MAP2K5: variants seen among roughly 807,000 people sequenced by gnomAD.
MAP2K5 encodes dual specificity mitogen-activated protein kinase kinase 5.
Under a neutral mutation model 83.1 loss-of-function variants are expected in MAP2K5, and 49 were observed. The observed-to-expected ratio is 0.59, with a 90% CI of 0.47 to 0.75. The LOEUF (loss-of-function observed/expected upper bound fraction) is 0.75. Among genes scored for constraint, MAP2K5 ranks in the 30% least tolerant of loss-of-function variants. The pLI is 0.00. For missense variants in MAP2K5, 457 were observed against 557.5 expected, an observed-to-expected ratio of 0.82 and a Z score of 1.82; for synonymous variants, 202 against 191.8, an observed-to-expected ratio of 1.05 and a Z score of -0.44.
chr15:67,772,739 C>T lies in MAP2K5; in HGVS notation c.1229C>T (p.Pro410Leu). The stretch of plus-strand genomic sequence containing the variant: ...AAACAGCCAAAAGAAAGGCCAGCAC[C>T]TGAAGAATTGATGGTAAGTGAATGT... ...MRKQPKERPA[P>L]EELMGHPFIV... is the part of the protein sequence containing the mutation. The change falls in exon 21 of 22, where the codon CCT (proline) becomes CTT (leucine). Residue 410 changes from proline to leucine, a missense_variant. Pro to Leu is a moderately conservative substitution (Grantham distance 98, BLOSUM62 -3). This residue lies in a region of MAP2K5 where 168 missense variants were observed against 263.0 expected (regional missense o/e 0.64). Coordinates refer to ENST00000178640, the MANE Select transcript of MAP2K5 (RefSeq NM_145160.3). 6.2e-7 allele frequency: 1 copy of T among 1,602,490 alleles called. No individual in the cohort carries two copies. The highest frequency in any genetic ancestry group is 8.5e-7 in the Non-Finnish European group (1 of 1,174,336).
At position 67,801,118 on chromosome 15, in the gene MAP2K5, ACTC is replaced by A. The variant is rs2090698867; in HGVS notation, c.1243-5526_1243-5524del. Among the ~76,000 whole-genome samples the A allele has an allele frequency of 6.6e-6, 1 of 152,054 alleles. No individual in the cohort carries two copies. The highest frequency in any genetic ancestry group is 2.4e-5 in the African/African-American group (1 of 41,400). ...CTGTGAGATCCCATCTAGTCCTAAC[ACTC>A]CATTAGTGTGAGAAGGGACAGAAGT... On this transcript the variant is annotated intron_variant, in intron 21 of 21. Transcript: ENST00000178640. The surrounding 1 kb of genome is among the most constrained non-coding windows in gnomAD (Gnocchi z 4.8).
In MAP2K5 at chr15:67,561,819, C is replaced by T. The variant is rs1421827577; in HGVS notation, c.185-1464C>T. Among the ~76,000 whole-genome samples, 2 of 152,126 alleles carry T rather than the reference C, an allele frequency of 1.3e-5. No homozygotes were observed. The highest frequency in any genetic ancestry group is 2.9e-5 in the Non-Finnish European group (2 of 68,010). On this transcript the variant is annotated intron_variant, in intron 2 of 21. Transcript: ENST00000178640. This position sits in a 1 kb window ranked among gnomAD's most constrained non-coding sequence, Gnocchi z 4.2. ...GAACACAAGCTTCCTCCTAGGGTCC[C>T]CATAGCCTAGTCACCAAGCAGGGGG...
intron 2 of MAP2K5, among the ~76,000 whole-genome samples, chr15:67,550,449 C>A (rs1434650320): frequency 2.0e-5 from 3 of 152,168 alleles, no homozygotes; most frequent in Non-Finnish European, 4.4e-5. Flanking sequence ...AACATAGCAA[C>A]AAAGTAGAGC....
intron 19 of MAP2K5, among the ~76,000 whole-genome samples, chr15:67,763,545 A>G (rs1022915693): frequency 1.3e-5 from 2 of 152,178 alleles, no homozygotes; most frequent in Non-Finnish European, 2.9e-5. Context: ...AGAATCTCAC[A>G]TTAGTTTGCA....
At chr15:67,629,841 G>A (rs2086424509) in intron 8 of MAP2K5, among the ~76,000 whole-genome samples, 2 of 152,158 alleles carry the variant, frequency 1.3e-5, no homozygotes, top group Admixed American at 1.3e-4. Flanking sequence ...TTTATGTTAT[G>A]TGGTTTATTT....
intron 11 of MAP2K5, among the ~76,000 whole-genome samples, chr15:67,656,616 A>G (rs565766939): frequency 2.0e-5 from 3 of 152,290 alleles, no homozygotes; most frequent in African/African-American, 7.2e-5. Context: ...GGTGTGAGCC[A>G]TCGTGCCTGG....
In MAP2K5 at chr15:67,738,215, G is replaced by A. The variant is rs1018710853; in HGVS notation, c.1075-10016G>A. ...GGTTCAGAGGAGGAGAGACCAAAGG[G>A]GTAATGAAGCTTGTCTTGTTTTGTT... On this transcript the variant is annotated intron_variant, in intron 17 of 21. Transcript: ENST00000178640. This position sits in a 1 kb window ranked among gnomAD's most constrained non-coding sequence, Gnocchi z 4.1. 6.6e-6 allele frequency among the ~76,000 whole-genome samples: 1 copy of A among 152,162 alleles called. No individual in the cohort carries two copies. Among genetic ancestry groups the A allele is most frequent in the Non-Finnish European group, 1.5e-5 (1 of 68,032 alleles).
At chr15:67,727,323 A>C (rs1312365959) in intron 16 of MAP2K5, among the ~76,000 whole-genome samples, 1 of 152,228 alleles carries the variant, frequency 6.6e-6, no homozygotes, top group Non-Finnish European at 1.5e-5. Context: ...GCAGTTTACA[A>C]ATCAAGTTAG....
chr15:67,784,080 A>G (rs1365188339), intron 21 of MAP2K5, among the ~76,000 whole-genome samples: 1 of 152,246 alleles, frequency 6.6e-6, no homozygotes, highest in Non-Finnish European at 1.5e-5. Context: ...GGATCTAAAC[A>G]TAAAACATTT....
chr15:67,765,364 T>A (rs1306672330), intron 19 of MAP2K5, among the ~76,000 whole-genome samples: 1 of 78,756 alleles, frequency 1.3e-5, no homozygotes, highest in Non-Finnish European at 2.6e-5. Flanking sequence ...TCTAATAAAA[T>A]TTTTTTAAAA....
rs1287528974 is a variant in MAP2K5, at chr15:67,793,794, G to GATTATTTTGATCTTGAATCAGT, written c.1243-12850_1243-12829dup. On this transcript the variant is annotated intron_variant, in intron 21 of 21. Transcript: ENST00000178640. This position sits in a 1 kb window ranked among gnomAD's most constrained non-coding sequence, Gnocchi z 4.6. ...TAAATGTCCAAGTTTGAAGCAATAT[G>GATTATTTTGATCTTGAATCAGT]ATTATTTTGATCTTGAATCAGTAAT... 6.6e-6 allele frequency among the ~76,000 whole-genome samples: 1 copy of GATTATTTTGATCTTGAATCAGT among 152,148 alleles called. No homozygotes were observed. The highest frequency in any genetic ancestry group is 2.4e-5 in the African/African-American group (1 of 41,436).
chr15:67,624,559 CA>C (rs1567317409), intron 8 of MAP2K5, among the ~76,000 whole-genome samples: 1 of 151,156 alleles, frequency 6.6e-6, no homozygotes, highest in East Asian at 1.9e-4. Flanking sequence ...CCCTAGAATA[CA>C]GGTAAAAAAA....
chr15:67,585,847 A>G (rs376174344), intron 4 of MAP2K5, 43 bp from the exon 5 acceptor site: 221 of 1,570,490 alleles, frequency 1.4e-4, no homozygotes, highest in Admixed American at 2.7e-4. Flanking sequence ...AAATTTGTAA[A>G]TGGCCCTGAT....
intron 8 of MAP2K5, among the ~76,000 whole-genome samples, chr15:67,615,651 A>C (rs8039738): frequency 0.98 from 148,928 of 152,056 alleles, 73,017 homozygotes; most frequent in Middle Eastern, 1. Flanking sequence ...AAAGACCAAG[A>C]AATTAGAGGA....
At chr15:67,683,868 T>C (rs2087883522) in intron 13 of MAP2K5, among the ~76,000 whole-genome samples, 1 of 152,148 alleles carries the variant, frequency 6.6e-6, no homozygotes, top group African/African-American at 2.4e-5. Context: ...CTGGACAAAA[T>C]AGTGAAACAG....
At position 67,665,084 on chromosome 15, in the gene MAP2K5, G is replaced by T. The variant is rs1190498277; in HGVS notation, c.847+439G>T. Among the ~76,000 whole-genome samples the T allele has an allele frequency of 4.6e-5, 7 of 152,146 alleles. No individual in the cohort carries two copies. Among genetic ancestry groups the T allele is most frequent in the Non-Finnish European group, 8.8e-5 (6 of 68,028 alleles). ...TTTTTTAAAGATGGGGTCTTGCTCT[G>T]TTGGCCAGGTTGTTGTTAAACCCCT... On this transcript the variant is annotated intron_variant, in intron 13 of 21. Transcript: ENST00000178640. The surrounding 1 kb of genome is among the most constrained non-coding windows in gnomAD (Gnocchi z 4.2).
At position 67,793,098 on chromosome 15, in the gene MAP2K5, A is replaced by G. The variant is rs1443248822; in HGVS notation, c.1243-13548A>G. ...CTTAAATGTGTTATAACACTGCTCT[A>G]TCCTCTTAAACAGATTACATGCATC... is the stretch of plus-strand genomic sequence containing the variant. On this transcript the variant is annotated intron_variant, in intron 21 of 21. Coordinates refer to ENST00000178640, the MANE Select transcript of MAP2K5 (RefSeq NM_145160.3). The surrounding 1 kb of genome is among the most constrained non-coding windows in gnomAD (Gnocchi z 4.6). 1.3e-5 allele frequency among the ~76,000 whole-genome samples: 2 copies of G among 152,368 alleles called. No individual in the cohort carries two copies. Among genetic ancestry groups the G allele is most frequent in the African/African-American group, 2.4e-5 (1 of 41,582 alleles).
Position 67,807,013 on chromosome 15 carries a change from C to T in MAP2K5, c.*263C>T. 1.4e-6 allele frequency: 2 copies of T among 1,415,314 alleles called. No homozygotes were observed. The highest frequency in any genetic ancestry group is 1.9e-6 in the Non-Finnish European group (2 of 1,070,132). The allele number at this position is 1,415,314 out of a possible 1,614,324, so 87.7% of individuals were successfully genotyped here. A position where few individuals can be genotyped will look rare whatever the true frequency, so the allele number is the denominator to read the frequency against. ...GGTGGGGCATTGAGAATGGAGGCTC[C>T]CAGGGTCCCTGCCCACTTCTGTTTT... On this transcript the variant is annotated 3_prime_UTR_variant, in exon 22 of 22. Coordinates refer to ENST00000178640, the MANE Select transcript of MAP2K5 (RefSeq NM_145160.3). The surrounding 1 kb of genome is among the most constrained non-coding windows in gnomAD (Gnocchi z 5.1).
rs527916805 is a variant in MAP2K5, at chr15:67,544,928, A to T, written c.135+1458A>T. Among the ~76,000 whole-genome samples, 173 of 152,258 alleles carry T rather than the reference A, an allele frequency of 1.1e-3. 1 individual carries two copies. Among genetic ancestry groups the T allele is most frequent in the African/African-American group, 3.9e-3 (164 of 41,560 alleles). ...TCTTTGTATCCGGAGTTCTCCACACAGTCATGCACATACAGATTTCCCCTC... is the reference window on the plus strand; with the variant it reads ...TCTTTGTATCCGGAGTTCTCCACACTGTCATGCACATACAGATTTCCCCTC... On this transcript the variant is annotated intron_variant, in intron 1 of 21. Transcript: ENST00000178640.
Sources: allele counts gnomAD v4.1 joint callset (sites outside exome capture counted in the v4.1 genomes callset), GRCh38; gene constraint gnomAD v4.1.1; regional missense constraint gnomAD v4.1.1; non-coding constraint Gnocchi (gnomAD v3.1); transcripts MANE v1.5; gene names NCBI Gene and HGNC (gene_info 2026-07-23, HGNC 2026-07-21).